Variants in DLG2 observed in about 807,000 individuals in gnomAD.
DLG2 encodes the protein discs large MAGUK scaffold protein 2, also known as disks large homolog 2.
In DLG2, 45 loss-of-function variants were observed where a neutral mutation model predicts 132.5. The observed-to-expected ratio is 0.34, with a 90% CI of 0.27 to 0.44. The LOEUF (loss-of-function observed/expected upper bound fraction) is 0.44, where lower values mean the gene tolerates loss of function less well. Ranked by LOEUF, DLG2 falls within the 20% of genes least tolerant of loss-of-function variation. DLG2 has a pLI of 1.00. For missense variants in DLG2, 1,045 were observed against 1,196.9 expected (o/e 0.87, Z 1.87); for synonymous variants, 424 against 419.6 (o/e 1.01, Z -0.13).
intron 6 of DLG2, among the ~76,000 whole-genome samples, chr11:84,741,054 C>CTT (rs2064562206): frequency 1.5e-5 from 2 of 132,758 alleles, no homozygotes; most frequent in Admixed American, 7.7e-5. Flanking sequence ...TGTGCCTATG[C>CTT]TCTTTTTTTT....
At chr11:85,304,794 C>T (rs1303263077) in intron 3 of DLG2, among the ~76,000 whole-genome samples, 1 of 152,154 alleles carries the variant, frequency 6.6e-6, no homozygotes, top group Non-Finnish European at 1.5e-5. Flanking sequence ...GAAGTCATTG[C>T]TGACTTTAAG....
intron 7 of DLG2, among the ~76,000 whole-genome samples, chr11:84,496,997 T>A (rs886371543): frequency 6.6e-6 from 1 of 152,086 alleles, no homozygotes; most frequent in African/African-American, 2.4e-5. Context: ...GGAATTTAGG[T>A]TTGCCTTTTC....
At chr11:83,955,350 A>C (rs2086562826) in intron 14 of DLG2, among the ~76,000 whole-genome samples, 1 of 151,938 alleles carries the variant, frequency 6.6e-6, no homozygotes, top group Non-Finnish European at 1.5e-5. Flanking sequence ...TGTAATTCTA[A>C]AGCCGGGTCA....
intron 7 of DLG2, among the ~76,000 whole-genome samples, chr11:84,314,992 G>T (rs2154394215): frequency 6.6e-6 from 1 of 152,214 alleles, no homozygotes; most frequent in African/African-American, 2.4e-5. Flanking sequence ...TGGTTTCATA[G>T]CTCCAGTATT....
intron 4 of DLG2, among the ~76,000 whole-genome samples, chr11:85,252,192 T>C (rs910118566): frequency 6.6e-6 from 1 of 152,164 alleles, no homozygotes; most frequent in Non-Finnish European, 1.5e-5. Context: ...ATAGAGTAAC[T>C]AAAGTTTTGC....
At chr11:84,825,709 A>G (rs1344577045) in intron 6 of DLG2, among the ~76,000 whole-genome samples, 2 of 151,900 alleles carry the variant, frequency 1.3e-5, no homozygotes, top group African/African-American at 4.8e-5. Context: ...TTGTTGTTTC[A>G]AATTACATTA....
intron 11 of DLG2, among the ~76,000 whole-genome samples, chr11:84,006,555 C>T (rs554274191): frequency 1.1e-4 from 16 of 151,192 alleles, no homozygotes; most frequent in South Asian, 4.2e-4. Context: ...TAAGTATTTA[C>T]GATAAATACT....
intron 4 of DLG2, among the ~76,000 whole-genome samples, chr11:85,170,678 G>T (rs2078792756): frequency 6.6e-6 from 1 of 152,116 alleles, no homozygotes; most frequent in Non-Finnish European, 1.5e-5. Context: ...GTATTGCACA[G>T]GTGGTAAAAA....
intron 6 of DLG2, among the ~76,000 whole-genome samples, chr11:85,042,256 T>C (rs1326608103): frequency 6.6e-6 from 1 of 151,934 alleles, no homozygotes. Flanking sequence ...TTCATAGCAC[T>C]GAAAACTATA....
intron 21 of DLG2, among the ~76,000 whole-genome samples, chr11:83,493,591 T>C (rs867513920): frequency 6.6e-6 from 1 of 152,270 alleles, no homozygotes; most frequent in Middle Eastern, 3.4e-3. Flanking sequence ...CCAACTCCTT[T>C]TGTGTTTCCC....
chr11:85,332,590 T>C (rs750715174), intron 3 of DLG2, among the ~76,000 whole-genome samples: 1 of 152,186 alleles, frequency 6.6e-6, no homozygotes, highest in Non-Finnish European at 1.5e-5. Context: ...TAGTTTTAGA[T>C]CTTAAATATA....
At chr11:85,112,486 A>G (rs2072930292) in intron 5 of DLG2, among the ~76,000 whole-genome samples, 1 of 152,050 alleles carries the variant, frequency 6.6e-6, no homozygotes, top group Non-Finnish European at 1.5e-5. Context: ...AGGGGGGGAA[A>G]GATTTTAATA....
At chr11:84,026,330 A>G (rs2095534062) in intron 11 of DLG2, among the ~76,000 whole-genome samples, 1 of 152,058 alleles carries the variant, frequency 6.6e-6, no homozygotes, top group Non-Finnish European at 1.5e-5. Flanking sequence ...AAACCACCCT[A>G]GTCATGGAAT....
At chr11:83,965,201 C>A in intron 13 of DLG2, 123 bp downstream of exon 13, 1 of 1,084,672 alleles carries the variant, frequency 9.2e-7, no homozygotes. Flanking sequence ...AGGATACTCC[C>A]TCTGAAGTAT....
chr11:84,333,989 C>A (rs1265680764), intron 7 of DLG2, among the ~76,000 whole-genome samples: 1 of 152,078 alleles, frequency 6.6e-6, no homozygotes, highest in African/African-American at 2.4e-5. Flanking sequence ...TATCTGCTAC[C>A]AAACTATAGG....
chr11:85,286,388 A>C (rs563519478), intron 3 of DLG2, among the ~76,000 whole-genome samples: 1 of 152,138 alleles, frequency 6.6e-6, no homozygotes, highest in Non-Finnish European at 1.5e-5. Context: ...AGATGAATAC[A>C]TATAAGAATA....
intron 11 of DLG2, among the ~76,000 whole-genome samples, chr11:84,016,529 T>C (rs1230888833): frequency 1.3e-5 from 2 of 152,012 alleles, no homozygotes; most frequent in Admixed American, 6.6e-5. Context: ...TTTTTGTATA[T>C]GGTATAAGGA....
chr11:83,742,068 C>G (rs545249346), intron 18 of DLG2, among the ~76,000 whole-genome samples: 1 of 152,116 alleles, frequency 6.6e-6, no homozygotes, highest in African/African-American at 2.4e-5. Flanking sequence ...CTTTTTATCT[C>G]TTTATCCCAG....
intron 6 of DLG2, among the ~76,000 whole-genome samples, chr11:84,837,161 C>A (rs190000157): frequency 4.6e-5 from 7 of 151,866 alleles, no homozygotes; most frequent in Admixed American, 4.6e-4. Context: ...ATATACATTT[C>A]AATCAAAACA....
Sources: allele counts gnomAD v4.1 joint callset (sites outside exome capture counted in the v4.1 genomes callset), GRCh38; gene constraint gnomAD v4.1.1; transcripts MANE v1.5; gene names NCBI Gene and HGNC (gene_info 2026-07-23, HGNC 2026-07-21).